ITGAM: variants seen among roughly 807,000 people sequenced by gnomAD.
The protein encoded by ITGAM is integrin subunit alpha M, also known as integrin alpha-M.
In ITGAM, 79 loss-of-function variants were observed where a neutral mutation model predicts 137.5. The observed-to-expected ratio is 0.57, with a 90% CI of 0.48 to 0.69. The LOEUF (loss-of-function observed/expected upper bound fraction) is 0.69, where lower values mean the gene tolerates loss of function less well. ITGAM is among the 30% of genes least tolerant of loss of function. ITGAM has a pLI of 0.00. For synonymous variants in ITGAM, 583 were observed against 592.3 expected (o/e 0.98, Z 0.23); for missense variants, 1,343 against 1,483.5 (o/e 0.91, Z 1.56).
chr16:31,269,385 TAAG>T lies in ITGAM; in HGVS notation c.428-1565_428-1563del, dbSNP rs568050633. ...CTACAAAGGCAATCTAGTCCCCAGG[TAAG>T]AAGGAGGTCTGCTTTGGGAAAGGGC... On this transcript the variant is annotated intron_variant, in intron 5 of 29. Transcript: ENST00000544665. Among the ~76,000 whole-genome samples the T allele has an allele frequency of 3.3e-5, 5 of 152,216 alleles. No homozygotes were observed. The East Asian group carries it at 7.7e-4, about 23-fold the overall frequency.
rs780824572 is a variant in ITGAM at position 31,277,984 on chromosome 16, A to G, written c.1231A>G (p.Ile411Val). The change falls in exon 12 of 30, where the codon ATC becomes GTC. Residue 411 changes from isoleucine (I) to valine (V), a missense_variant. Physicochemically the swap from Ile to Val is conservative, Grantham distance 29. Coordinates refer to ENST00000544665, the MANE Select transcript of ITGAM (RefSeq NM_000632.4). The stretch of plus-strand genomic sequence containing the variant: ...ACCTTCAGGTTATGCTGCCGCCATC[A>G]TCTTACGGAACCGGGTGCAAAGCCT... ...DAYLGYAAAIILRNRVQSLVL... is the reference protein window; with the variant it reads ...DAYLGYAAAIVLRNRVQSLVL... The G allele has an allele frequency of 2.5e-6, 4 of 1,600,052 alleles. No individual in the cohort carries two copies. The African/African-American group carries it at 4.0e-5, about 16-fold the overall frequency.
At chr16:31,315,109 G>A (rs903299771) in intron 14 of ITGAM, among the ~76,000 whole-genome samples, 3 of 151,958 alleles carry the variant, frequency 2.0e-5, no homozygotes, top group African/African-American at 4.8e-5. Flanking sequence ...CACCGAACCC[G>A]GCCCTCTTTG....
intron 12 of ITGAM, among the ~76,000 whole-genome samples, chr16:31,285,215 T>G (rs2080015875): frequency 6.6e-6 from 1 of 152,200 alleles, no homozygotes; most frequent in Non-Finnish European, 1.5e-5. Flanking sequence ...GTCTGGAATC[T>G]ATACATAACA....
chr16:31,330,002 G>T, intron 25 of ITGAM, 79 bp from the exon 26 acceptor site: 1 of 1,549,214 alleles, frequency 6.5e-7, no homozygotes, highest in South Asian at 1.2e-5. Context: ...CCCTCTCCTG[G>T]ACCCAGGCCA....
At position 31,330,110 on chromosome 16, in the gene ITGAM, G is replaced by A; in HGVS notation, c.3006G>A (p.Glu1002=). ...ENLSSTCHTK[E]RLPSHSDFLA... ...TCTCGAGTACGTGCCACACCAAGGA[G>A]CGCTTGCCCTCTCACTCCGACTTTC... Residue 1002 remains glutamate, a synonymous_variant, in exon 26 of 30, where the codon GAG becomes GAA. Transcript: ENST00000544665. 6.2e-7 allele frequency: 1 copy of A among 1,613,862 alleles called. No individual in the cohort carries two copies. The highest frequency in any genetic ancestry group is 8.5e-7 in the Non-Finnish European group (1 of 1,179,838).
At chr16:31,318,026 C>G (rs1232493865) in intron 14 of ITGAM, among the ~76,000 whole-genome samples, 1 of 152,026 alleles carries the variant, frequency 6.6e-6, no homozygotes, top group Non-Finnish European at 1.5e-5. Context: ...GTAGAATTTG[C>G]CTGAGAAGCC....
At chr16:31,291,951 C>T (rs747383921) in intron 12 of ITGAM, among the ~76,000 whole-genome samples, 44 of 152,036 alleles carry the variant, frequency 2.9e-4, no homozygotes, top group South Asian at 1.0e-3. Flanking sequence ...TGGAATGTTC[C>T]CAGCAAAAGA....
At chr16:31,284,874 T>TA (rs910803359) in intron 12 of ITGAM, among the ~76,000 whole-genome samples, 86 of 148,654 alleles carry the variant, frequency 5.8e-4, no homozygotes, top group African/African-American at 1.8e-3. Context: ...TATAGTTCTT[T>TA]AAAAAAAAAA....
At chr16:31,264,121 C>T (rs2079737513) in intron 2 of ITGAM, among the ~76,000 whole-genome samples, 1 of 151,978 alleles carries the variant, frequency 6.6e-6, no homozygotes, top group Non-Finnish European at 1.5e-5. Flanking sequence ...CAGGTGTGAG[C>T]CACTGCGCCT....
At position 31,297,574 on chromosome 16, in the gene ITGAM, G is replaced by A. The variant is rs756564190; in HGVS notation, c.1417G>A (p.Asp473Asn). 6 of 1,612,232 alleles carry A rather than the reference G, an allele frequency of 3.7e-6. No individual in the cohort carries two copies. Among genetic ancestry groups the A allele is most frequent in the Middle Eastern group, 2.1e-4 (1 of 4,738 alleles). The change falls in exon 13 of 30, where the codon GAC becomes AAC. Residue 473 changes from aspartate to asparagine, a missense_variant. By Grantham distance (23) the Asp-to-Asn change is conservative. Transcript: ENST00000544665. The part of the protein sequence containing the change: ...SVDVDSNGST[D>N]LVLIGAPHYY... ...GGACGTGGACAGCAACGGCAGCACCGACCTGGTCCTCATCGGGGCCCCCCA... is the reference window on the plus strand; with the variant it reads ...GGACGTGGACAGCAACGGCAGCACCAACCTGGTCCTCATCGGGGCCCCCCA...
chr16:31,300,610 T>G (rs1297832776), intron 14 of ITGAM, among the ~76,000 whole-genome samples: 1 of 152,224 alleles, frequency 6.6e-6, no homozygotes, highest in African/African-American at 2.4e-5. Context: ...TTAAGCTTAT[T>G]TTTAAATCAA....
Position 31,324,484 on chromosome 16 carries a change from C to G in ITGAM, c.2088C>G (p.Asn696Lys). The change falls in exon 17 of 30, where the codon AAC (asparagine) becomes AAG (lysine). Residue 696 changes from asparagine (N) to lysine (K), a missense_variant. Coordinates refer to ENST00000544665, the MANE Select transcript of ITGAM (RefSeq NM_000632.4). The surrounding 1 kb of genome is among the most constrained non-coding windows in gnomAD (Gnocchi z 4.5). The stretch of plus-strand genomic sequence containing the variant: ...GCGCCGTCTTCAATGAGACAAAGAA[C>G]AGCACACGCAGACAGACACAGGTCT... Reference protein sequence around the residue: ...HSRAVFNETKNSTRRQTQVLG... With the variant: ...HSRAVFNETKKSTRRQTQVLG... 3.8e-6 allele frequency: 6 copies of G among 1,592,520 alleles called. No homozygotes were observed. The highest frequency in any genetic ancestry group is 5.1e-6 in the Non-Finnish European group (6 of 1,169,878).
At chr16:31,323,928 G>A (rs1164516249) in intron 16 of ITGAM, among the ~76,000 whole-genome samples, 2 of 151,316 alleles carry the variant, frequency 1.3e-5, no homozygotes, top group Admixed American at 6.6e-5. Flanking sequence ...CAGGAGAAAC[G>A]CTTGAACCTG....
intron 14 of ITGAM, among the ~76,000 whole-genome samples, chr16:31,309,998 T>C (rs1368156795): frequency 1.3e-5 from 2 of 151,702 alleles, no homozygotes; most frequent in Admixed American, 6.6e-5. Flanking sequence ...TCTTCTGGCT[T>C]GTAGAGTTTC....
At chr16:31,327,619 T>TAATAATAATAAA (rs1469921279) in intron 22 of ITGAM, among the ~76,000 whole-genome samples, 12 of 149,416 alleles carry the variant, frequency 8.0e-5, no homozygotes, top group African/African-American at 3.0e-4. Context: ...ATAATAATAA[T>TAATAATAATAAA]AAAAAATAAA....
intron 20 of ITGAM, 36 bp downstream of exon 20, chr16:31,325,440 G>A: frequency 6.2e-7 from 1 of 1,612,778 alleles, no homozygotes; most frequent in South Asian, 1.1e-5. Context: ...TCTGACCTTT[G>A]CTTCCCCATC....
chr16:31,261,895 TAAATC>T, intron 2 of ITGAM, 98 bp downstream of exon 2: 7 of 678,756 alleles, frequency 1.0e-5, no homozygotes, highest in Non-Finnish European at 2.6e-6. Flanking sequence ...TTTCAACAGA[TAAATC>T]AATTCAAAAT....
Position 31,332,634 on chromosome 16 carries a change from T to C in ITGAM, c.*927T>C, listed in dbSNP as rs1344535025. 1 of 152,108 alleles carries C rather than the reference T, an allele frequency of 6.6e-6. No homozygotes were observed. The highest frequency in any genetic ancestry group is 1.5e-5 in the Non-Finnish European group (1 of 68,016). The allele number at this position is 152,108 out of a possible 1,614,324, so 9.4% of individuals were successfully genotyped here. On this transcript the variant is annotated 3_prime_UTR_variant, in exon 30 of 30. Transcript: ENST00000544665. ...ACCACACATACACACACACAAGCTT[T>C]TTTACACAAATGGTAGCATACTTTA...
At chr16:31,277,417 G>A (rs2079920342) in intron 11 of ITGAM, among the ~76,000 whole-genome samples, 1 of 150,982 alleles carries the variant, frequency 6.6e-6, no homozygotes, top group Non-Finnish European at 1.5e-5. Flanking sequence ...GGAGTGCAAT[G>A]GCGTGATCTT....
Sources: gnomAD v4.1 joint callset for allele counts (sites outside exome capture counted in the v4.1 genomes callset) on GRCh38, gnomAD v4.1.1 for gene constraint, Gnocchi (gnomAD v3.1) non-coding constraint, MANE v1.5 for transcripts, NCBI Gene and HGNC (gene_info 2026-07-23, HGNC 2026-07-21) for gene names.